NEK10: variants seen among roughly 807,000 people sequenced by gnomAD.
The protein encoded by NEK10 is serine/threonine-protein kinase Nek10.
A neutral mutation model predicts 159.8 loss-of-function variants in NEK10; 122 were observed. That is an observed-to-expected ratio of 0.76 (90% CI 0.66 to 0.89). NEK10 has a LOEUF of 0.89. NEK10 is among the 40% of genes least tolerant of loss of function. NEK10 has a pLI of 0.00. For synonymous variants in NEK10, 466 were observed against 457.1 expected (o/e 1.02, Z -0.25); for missense variants, 1,342 against 1,323.1 (o/e 1.01, Z -0.22).
At chr3:27,320,622 T>C (rs1270779854) in intron 6 of NEK10, among the ~76,000 whole-genome samples, 1 of 152,096 alleles carries the variant, frequency 6.6e-6, no homozygotes, top group East Asian at 1.9e-4. Flanking sequence ...TTCTGTATGG[T>C]TGGTCACAGG....
chr3:27,141,394 T>C (rs1943771788), intron 31 of NEK10, 88 bp downstream of exon 31: 1 of 961,978 alleles, frequency 1.0e-6, no homozygotes, highest in African/African-American at 1.6e-5. Flanking sequence ...AAGAATTCAA[T>C]CTAAAGTCCT....
In NEK10 at chr3:27,155,427, G is replaced by A. The variant is rs569376022; in HGVS notation, c.2869+7274C>T. On this transcript the variant is annotated intron_variant, in intron 30 of 35. Coordinates refer to ENST00000691995, the MANE Select transcript of NEK10 (RefSeq NM_001394966.1). The stretch of plus-strand genomic sequence containing the variant: ...TGAGGCAAGAGAATCACTTGAACCC[G>A]GGAGGCGGAGGTTGCAGTGAGCCAA... 5.3e-4 allele frequency among the ~76,000 whole-genome samples: 81 copies of A among 151,822 alleles called. 2 individuals carry two copies. In the South Asian group the frequency reaches 5.6e-3, roughly 11 times the overall value.
At chr3:27,359,880 G>C (rs546502007) in intron 1 of NEK10, among the ~76,000 whole-genome samples, 1 of 152,268 alleles carries the variant, frequency 6.6e-6, no homozygotes, top group Non-Finnish European at 1.5e-5. Context: ...TTTTCTTTTT[G>C]CAAAGAATAT....
At chr3:27,183,422 T>C (rs1948324784) in intron 26 of NEK10, among the ~76,000 whole-genome samples, 1 of 150,342 alleles carries the variant, frequency 6.7e-6, no homozygotes, top group South Asian at 2.1e-4. Context: ...AAAGTCAATC[T>C]CCTCATTATT....
At chr3:27,160,738 T>C (rs975868798) in intron 30 of NEK10, among the ~76,000 whole-genome samples, 1 of 152,022 alleles carries the variant, frequency 6.6e-6, no homozygotes, top group Non-Finnish European at 1.5e-5. Context: ...AAACCCCATC[T>C]CTACTAAAAA....
intron 12 of NEK10, among the ~76,000 whole-genome samples, chr3:27,303,461 A>G (rs1032984160): frequency 6.6e-6 from 1 of 152,280 alleles, no homozygotes; most frequent in Non-Finnish European, 1.5e-5. Context: ...CATCATTACC[A>G]TCGTCATCCT....
chr3:27,169,307 T>C (rs1946746350), intron 29 of NEK10, among the ~76,000 whole-genome samples: 1 of 152,220 alleles, frequency 6.6e-6, no homozygotes, highest in African/African-American at 2.4e-5. Context: ...GAATATCTTC[T>C]AACTCAGATC....
At chr3:27,262,829 A>G (rs2040534124) in intron 22 of NEK10, among the ~76,000 whole-genome samples, 1 of 151,830 alleles carries the variant, frequency 6.6e-6, no homozygotes, top group Non-Finnish European at 1.5e-5. Flanking sequence ...TCTTCTCTCA[A>G]CTCGTCAAAG....
At chr3:27,347,680 A>G (rs1306450985) in intron 3 of NEK10, among the ~76,000 whole-genome samples, 2 of 152,180 alleles carry the variant, frequency 1.3e-5, no homozygotes, top group African/African-American at 4.8e-5. Context: ...GATTTTCAAA[A>G]TGTTAATAAT....
At chr3:27,294,652 T>C (rs1439113126) in intron 15 of NEK10, among the ~76,000 whole-genome samples, 1 of 152,144 alleles carries the variant, frequency 6.6e-6, no homozygotes, top group Non-Finnish European at 1.5e-5. Context: ...AACCCCTGCC[T>C]GCCAGCACAG....
At chr3:27,190,762 G>C (rs1949034992) in intron 26 of NEK10, among the ~76,000 whole-genome samples, 2 of 152,134 alleles carry the variant, frequency 1.3e-5, no homozygotes, top group Non-Finnish European at 2.9e-5. Flanking sequence ...TAGTCTACTA[G>C]GAATACTCTA....
chr3:27,259,278 C>T (rs2040184105), intron 22 of NEK10, among the ~76,000 whole-genome samples: 1 of 152,152 alleles, frequency 6.6e-6, no homozygotes, highest in Admixed American at 6.5e-5. Flanking sequence ...GTGTTTTAGA[C>T]ATGAAGTCCT....
intron 23 of NEK10, among the ~76,000 whole-genome samples, chr3:27,241,047 C>T (rs1403417043): frequency 6.6e-6 from 1 of 152,072 alleles, no homozygotes; most frequent in Non-Finnish European, 1.5e-5. Flanking sequence ...CCCAGAACTA[C>T]AGGGAGGCAG....
At chr3:27,295,101 C>A (rs1043101454) in intron 15 of NEK10, among the ~76,000 whole-genome samples, 6 of 152,178 alleles carry the variant, frequency 3.9e-5, no homozygotes, top group Non-Finnish European at 8.8e-5. Context: ...CCCCCACAAC[C>A]ACACACCCCA....
chr3:27,298,862 T>A (rs111828210), intron 13 of NEK10, among the ~76,000 whole-genome samples: 3,072 of 152,248 alleles, frequency 0.02, 109 homozygotes, highest in African/African-American at 0.071. Context: ...AGAGAAATGA[T>A]TTAGGGTACC....
chr3:27,237,157 C>T (rs987837095), intron 23 of NEK10, among the ~76,000 whole-genome samples: 1 of 152,134 alleles, frequency 6.6e-6, no homozygotes, highest in Non-Finnish European at 1.5e-5. Flanking sequence ...TTCTGCCTGA[C>T]CCCGCAGGCA....
At chr3:27,262,467 A>C (rs1223519573) in intron 22 of NEK10, among the ~76,000 whole-genome samples, 3 of 152,186 alleles carry the variant, frequency 2.0e-5, no homozygotes, top group Non-Finnish European at 2.9e-5. Flanking sequence ...TTTCAGATAC[A>C]CCAATCAGAC....
intron 22 of NEK10, among the ~76,000 whole-genome samples, chr3:27,282,681 G>GTT (rs1255179459): frequency 3.8e-5 from 5 of 129,932 alleles, no homozygotes; most frequent in Non-Finnish European, 8.1e-5. Context: ...ACATAACTGT[G>GTT]TTATATATAT....
At chr3:27,278,695 T>A (rs936631637) in intron 22 of NEK10, 1 of 984,288 alleles carries the variant, frequency 1.0e-6, no homozygotes, top group Non-Finnish European at 1.2e-6. Flanking sequence ...TTTCCTTTTT[T>A]ATTTGAAAGC....
Sources: gnomAD v4.1 joint callset for allele counts (sites outside exome capture counted in the v4.1 genomes callset) on GRCh38, gnomAD v4.1.1 for gene constraint, MANE v1.5 for transcripts, NCBI Gene and HGNC (gene_info 2026-07-23, HGNC 2026-07-21) for gene names.